The following MTAP variants were observed in gnomAD, a reference collection of about 807,000 sequenced individuals.
The protein encoded by MTAP is methylthioadenosine phosphorylase.
Under a neutral mutation model 33.6 loss-of-function variants are expected in MTAP, and 33 were observed. The observed-to-expected ratio is 0.98, with a 90% CI of 0.74 to 1.31. The LOEUF (loss-of-function observed/expected upper bound fraction) is 1.31, where lower values mean the gene tolerates loss of function less well. Among genes scored for constraint, MTAP ranks in the 40% most tolerant of loss-of-function variants. The pLI, the probability that MTAP is intolerant of heterozygous loss-of-function variation, is 0.00. For synonymous variants in MTAP, 148 were observed against 125.7 expected (o/e 1.18, Z -1.19); for missense variants, 367 against 360.0 (o/e 1.02, Z -0.16).
chr9:21,830,046 T>C (rs1227736199), intron 4 of MTAP, among the ~76,000 whole-genome samples: 9 of 152,068 alleles, frequency 5.9e-5, no homozygotes, highest in Non-Finnish European at 1.3e-4. Flanking sequence ...GTGCAGTGGG[T>C]TCAAGTATGT....
At chr9:21,815,595 A>AAAC in intron 2 of MTAP, 76 bp downstream of exon 2, 1 of 1,063,086 alleles carries the variant, frequency 9.4e-7, no homozygotes, top group South Asian at 1.4e-5. Context: ...TGAATTAAAA[A>AAAC]AAAAAAAAAG....
intron 1 of MTAP, among the ~76,000 whole-genome samples, chr9:21,900,814 C>T (rs139610035): frequency 1.3e-5 from 2 of 152,200 alleles, no homozygotes; most frequent in African/African-American, 4.8e-5. Context: ...GGTAAATATA[C>T]ATCACGCAAT....
chr9:21,858,521 G>A (rs572379120), intron 6 of MTAP, among the ~76,000 whole-genome samples: 2 of 152,322 alleles, frequency 1.3e-5, no homozygotes, highest in Middle Eastern at 3.4e-3. Context: ...GGGAGCAGGA[G>A]CAAGAGAGAG....
At position 21,840,263 on chromosome 9, in the gene MTAP, G is replaced by T. The variant is rs532838598; in HGVS notation, c.450+2253G>T. ...AAAGAAAAGACAGGGCTAACGTGCA[G>T]CTTCCACAAGGACGGACAGAATAGC... On this transcript the variant is annotated intron_variant, in intron 5 of 7. Coordinates refer to ENST00000644715, the MANE Select transcript of MTAP (RefSeq NM_002451.4). 4.6e-5 allele frequency among the ~76,000 whole-genome samples: 7 copies of T among 151,808 alleles called. No individual in the cohort carries two copies. In the East Asian group the frequency reaches 1.2e-3, roughly 25 times the overall value.
At chr9:21,902,171 A>T (rs1818403697) in intron 1 of MTAP, among the ~76,000 whole-genome samples, 1 of 152,206 alleles carries the variant, frequency 6.6e-6, no homozygotes, top group African/African-American at 2.4e-5. Context: ...CTAAGCCACT[A>T]GGAAAGACAC....
intron 4 of MTAP, among the ~76,000 whole-genome samples, chr9:21,831,931 T>A (rs527332466): frequency 9.2e-5 from 14 of 152,322 alleles, no homozygotes; most frequent in African/African-American, 2.9e-4. Flanking sequence ...GTTTGGGTTA[T>A]GCCTTCTCAA....
chr9:21,819,047 G>A (rs989051893), intron 4 of MTAP, among the ~76,000 whole-genome samples: 2 of 151,820 alleles, frequency 1.3e-5, no homozygotes, highest in Non-Finnish European at 1.5e-5. Context: ...TTAACATAAT[G>A]TCCAGGTTCA....
At chr9:21,827,143 T>C (rs1824842338) in intron 4 of MTAP, among the ~76,000 whole-genome samples, 1 of 152,152 alleles carries the variant, frequency 6.6e-6, no homozygotes, top group Non-Finnish European at 1.5e-5. Context: ...GTAGAAATAA[T>C]TGCCTCTCAG....
At chr9:21,804,207 G>C (rs1424401894) in intron 1 of MTAP, among the ~76,000 whole-genome samples, 1 of 152,168 alleles carries the variant, frequency 6.6e-6, no homozygotes, top group Non-Finnish European at 1.5e-5. Flanking sequence ...TTATAAGTGG[G>C]GGAACTGAGA....
At chr9:21,905,299 C>G (rs1001990337) in intron 1 of MTAP, among the ~76,000 whole-genome samples, 3 of 152,072 alleles carry the variant, frequency 2.0e-5, no homozygotes, top group Non-Finnish European at 2.9e-5. Context: ...AGTGTCTTAG[C>G]GTCCAGTTGC....
At chr9:21,802,861 G>T in intron 1 of MTAP, 80 bp downstream of exon 1, 1 of 1,573,414 alleles carries the variant, frequency 6.4e-7, no homozygotes, top group South Asian at 1.2e-5. Flanking sequence ...CGCGCCTCCG[G>T]GGGCCATGCG....
intron 4 of MTAP, among the ~76,000 whole-genome samples, chr9:21,834,908 A>G (rs1276264537): frequency 6.6e-6 from 1 of 152,108 alleles, no homozygotes; most frequent in East Asian, 1.9e-4. Context: ...TAGCCACTGG[A>G]GGTTTTTGCA....
intron 2 of MTAP, among the ~76,000 whole-genome samples, chr9:21,816,069 G>T (rs1205832660): frequency 2.0e-5 from 3 of 152,164 alleles, no homozygotes; most frequent in Non-Finnish European, 4.4e-5. Flanking sequence ...CTAGGCCGGG[G>T]TGAGGGTGTC....
At chr9:21,827,893 C>G (rs1281484044) in intron 4 of MTAP, among the ~76,000 whole-genome samples, 3 of 152,162 alleles carry the variant, frequency 2.0e-5, no homozygotes, top group Non-Finnish European at 2.9e-5. Flanking sequence ...ATACAAAACT[C>G]CATATTCAGG....
In MTAP at chr9:21,816,704, T is replaced by C. The variant is rs201864201; in HGVS notation, c.121-10T>C. On this transcript the variant is annotated splice_polypyrimidine_tract_variant and intron_variant, in intron 2 of 7. Transcript: ENST00000644715. ...CACTGAGTTAAATGTCATTTTTTCA[T>C]TGCATGCAGCCATCTGATGCCTTAA... 2.6e-4 allele frequency: 423 copies of C among 1,607,808 alleles called. 7 individuals carry two copies. The East Asian group carries it at 9.1e-3, about 34-fold the overall frequency.
At chr9:21,806,851 C>CT (rs1824220845) in intron 1 of MTAP, among the ~76,000 whole-genome samples, 1 of 152,120 alleles carries the variant, frequency 6.6e-6, no homozygotes, top group African/African-American at 2.4e-5. Context: ...AGCCTCCCAG[C>CT]TTTCATTCTG....
In MTAP at chr9:21,922,993, C is replaced by T. The variant is rs921456404; in HGVS notation, c.148-8015C>T. On this transcript the variant is annotated intron_variant, in intron 1 of 1. Transcript: ENST00000577563. The surrounding 1 kb of genome is among the most constrained non-coding windows in gnomAD (Gnocchi z 4.8). ...CACACCACCTATTCTCCTGTTTTCT[C>T]TGTGTGTGTTCTGAAACGGCCTTGT... Among the ~76,000 whole-genome samples, 2 of 152,234 alleles carry T rather than the reference C, an allele frequency of 1.3e-5. No homozygotes were observed. The highest frequency in any genetic ancestry group is 4.8e-5 in the African/African-American group (2 of 41,468).
chr9:21,889,603 C>T (rs1818166166), intron 1 of MTAP, among the ~76,000 whole-genome samples: 1 of 152,096 alleles, frequency 6.6e-6, no homozygotes, highest in South Asian at 2.1e-4. Context: ...GGTCCTATCC[C>T]CCCACTTCCC....
intron 5 of MTAP, among the ~76,000 whole-genome samples, chr9:21,847,281 A>C (rs1008388996): frequency 6.6e-6 from 1 of 152,158 alleles, no homozygotes; most frequent in Non-Finnish European, 1.5e-5. Flanking sequence ...CCATTTATCT[A>C]TCTGTCCCAT....
Sources: allele counts gnomAD v4.1 joint callset (sites outside exome capture counted in the v4.1 genomes callset), GRCh38; gene constraint gnomAD v4.1.1; non-coding constraint Gnocchi (gnomAD v3.1); transcripts MANE v1.5; gene names NCBI Gene and HGNC (gene_info 2026-07-23, HGNC 2026-07-21).